The following DNAJC13 variants were observed in gnomAD, a reference collection of about 807,000 sequenced individuals.
DNAJC13 encodes the protein dnaJ homolog subfamily C member 13.
In DNAJC13, 75 loss-of-function variants were observed where a neutral mutation model predicts 290.5. That is an observed-to-expected ratio of 0.26 (90% CI 0.21 to 0.31). The LOEUF (loss-of-function observed/expected upper bound fraction) is 0.31. Ranked by LOEUF, DNAJC13 falls within the 10% of genes least tolerant of loss-of-function variation. DNAJC13 has a pLI of 1.00. For synonymous variants in DNAJC13, 862 were observed against 892.0 expected (o/e 0.97, Z 0.60); for missense variants, 2,260 against 2,674.5 (o/e 0.85, Z 3.42).
chr3:132,424,383 T>C (rs138509705), intron 1 of DNAJC13, among the ~76,000 whole-genome samples: 36 of 152,278 alleles, frequency 2.4e-4, no homozygotes, highest in Admixed American at 4.6e-4. Flanking sequence ...ACTTGATTTA[T>C]ACTGTTGAAT....
chr3:132,473,634 T>G (rs749658605), intron 21 of DNAJC13, among the ~76,000 whole-genome samples: 1 of 152,008 alleles, frequency 6.6e-6, no homozygotes, highest in Non-Finnish European at 1.5e-5. Flanking sequence ...GGTAACCTCT[T>G]CCCTCTTTTT....
intron 41 of DNAJC13, among the ~76,000 whole-genome samples, chr3:132,504,264 CT>C (rs1300050224): frequency 6.7e-6 from 1 of 148,874 alleles, no homozygotes; most frequent in African/African-American, 2.5e-5. Flanking sequence ...GCTTGCCATG[CT>C]TTTCAGTTCC....
intron 31 of DNAJC13, among the ~76,000 whole-genome samples, chr3:132,489,674 G>A (rs1287142634): frequency 6.6e-6 from 1 of 151,842 alleles, no homozygotes; most frequent in Non-Finnish European, 1.5e-5. Context: ...GACCACTGTT[G>A]AGAAGACTAA....
rs376978708 is a variant in DNAJC13, at chr3:132,531,085, G to A, written c.6613G>A (p.Gly2205Arg). The change falls in exon 55 of 56, where the codon GGA (glycine) becomes AGA (arginine). Residue 2205 changes from glycine (G) to arginine (R), a missense_variant. Physicochemically the swap from Gly to Arg is moderately radical, Grantham distance 125. This residue lies in a region of DNAJC13 where 1,494 missense variants were observed against 1,693.7 expected (regional missense o/e 0.88). Transcript: ENST00000260818. ...DLFISESQTA[G>R]YLTGPGVAGY... ...GTTCATTTCTGAGTCACAAACAGCA[G>A]GATACCTCACAGGTAAGCCATACCT... 1 of 1,613,904 alleles carries A rather than the reference G, an allele frequency of 6.2e-7. No homozygotes were observed. Among genetic ancestry groups the A allele is most frequent in the African/African-American group, 1.3e-5 (1 of 74,926 alleles).
At position 132,500,783 on chromosome 3, in the gene DNAJC13, G is replaced by A; in HGVS notation, c.4417-11G>A. ...TCTACTGGTTTTTTTGCTCTGTTGT[G>A]TTGTCTGCAGGTGTGTGGATACATA... On this transcript the variant is annotated splice_polypyrimidine_tract_variant and intron_variant, in intron 38 of 55. Transcript: ENST00000260818. 1.2e-6 allele frequency: 2 copies of A among 1,613,472 alleles called. No homozygotes were observed. The highest frequency in any genetic ancestry group is 1.7e-6 in the Non-Finnish European group (2 of 1,179,636).
chr3:132,450,941 G>A (rs183266962), intron 6 of DNAJC13, 94 bp downstream of exon 6: 14 of 700,050 alleles, frequency 2.0e-5, no homozygotes, highest in Admixed American at 9.3e-5. Context: ...GAAATTTCAC[G>A]TGAGTCCTCT....
At chr3:132,440,313 G>C (rs949052245) in intron 2 of DNAJC13, among the ~76,000 whole-genome samples, 1 of 152,232 alleles carries the variant, frequency 6.6e-6, no homozygotes, top group Admixed American at 6.5e-5. Context: ...AATTTGTTCA[G>C]TTATTCTACT....
chr3:132,500,881 A>C lies in DNAJC13; in HGVS notation c.4504A>C (p.Lys1502Gln). Reference sequence around the variant, plus strand: ...GATCACGGAAATGCCTAGCATCATCAAGGATCTCTGTCGGGTACTATATTT... The same window carrying C: ...GATCACGGAAATGCCTAGCATCATCCAGGATCTCTGTCGGGTACTATATTT... The part of the protein sequence containing the change: ...EKITEMPSII[K>Q]DLCRVLYFGK... The change falls in exon 39 of 56, where the codon AAG becomes CAG. Residue 1502 changes from lysine to glutamine, a missense_variant. Physicochemically the swap from Lys to Gln is moderately conservative, Grantham distance 53. Around this residue, in one of 3 missense-constraint regions of DNAJC13, gnomAD observed 1,494 missense variants for 1,693.7 expected, o/e 0.88. Coordinates refer to ENST00000260818, the MANE Select transcript of DNAJC13 (RefSeq NM_015268.4). 6.2e-7 allele frequency: 1 copy of C among 1,614,070 alleles called. No individual in the cohort carries two copies. Among genetic ancestry groups the C allele is most frequent in the South Asian group, 1.1e-5 (1 of 91,090 alleles).
At chr3:132,429,790 T>C (rs1407966845) in intron 1 of DNAJC13, among the ~76,000 whole-genome samples, 1 of 152,192 alleles carries the variant, frequency 6.6e-6, no homozygotes, top group Non-Finnish European at 1.5e-5. Context: ...CTCTCAGATA[T>C]ACCCTTACAT....
chr3:132,421,520 C>A (rs1250093871), intron 1 of DNAJC13, among the ~76,000 whole-genome samples: 1 of 151,880 alleles, frequency 6.6e-6, no homozygotes, highest in Non-Finnish European at 1.5e-5. Context: ...TGCAGTGGCA[C>A]GATCTTGGCT....
intron 1 of DNAJC13, among the ~76,000 whole-genome samples, chr3:132,427,119 G>GTATATATA (rs770455260): frequency 5.8e-5 from 7 of 120,916 alleles, no homozygotes; most frequent in African/African-American, 2.6e-4. Context: ...GTGTGTGTGT[G>GTATATATA]TATATATATA....
At chr3:132,502,542 G>A in intron 40 of DNAJC13, 74 bp downstream of exon 40, 2 of 1,334,282 alleles carry the variant, frequency 1.5e-6, no homozygotes, top group South Asian at 1.8e-5. Context: ...CCAAACCAAA[G>A]CTGCTATCCA....
At chr3:132,530,447 T>A (rs1936385179) in intron 54 of DNAJC13, among the ~76,000 whole-genome samples, 1 of 152,264 alleles carries the variant, frequency 6.6e-6, no homozygotes, top group Non-Finnish European at 1.5e-5. Flanking sequence ...TATACTCATA[T>A]ATGTGTATGT....
intron 43 of DNAJC13, among the ~76,000 whole-genome samples, 198 bp from the exon 44 acceptor site, chr3:132,510,868 TA>T (rs1228508130): frequency 3.3e-5 from 5 of 152,192 alleles, no homozygotes; most frequent in African/African-American, 1.2e-4. Context: ...AATGGGAGTA[TA>T]TCAGATCTCT....
chr3:132,510,436 T>G (rs1451736004), intron 43 of DNAJC13, among the ~76,000 whole-genome samples: 1 of 152,096 alleles, frequency 6.6e-6, no homozygotes, highest in African/African-American at 2.4e-5. Flanking sequence ...TTGCCCAGGC[T>G]GGTCTCAAAC....
intron 31 of DNAJC13, among the ~76,000 whole-genome samples, chr3:132,490,597 A>G (rs1026319891): frequency 6.6e-6 from 1 of 152,206 alleles, no homozygotes; most frequent in African/African-American, 2.4e-5. Context: ...CATTACTGTT[A>G]CACATGGTCA....
chr3:132,462,416 G>C (rs1158176608), intron 15 of DNAJC13, 51 bp from the exon 16 acceptor site: 3 of 1,532,068 alleles, frequency 2.0e-6, no homozygotes, highest in Non-Finnish European at 2.7e-6. Context: ...TAAATGTGTT[G>C]GAATAAAATT....
At chr3:132,529,177 G>T (rs570023481) in intron 54 of DNAJC13, among the ~76,000 whole-genome samples, 1 of 151,880 alleles carries the variant, frequency 6.6e-6, no homozygotes, top group African/African-American at 2.4e-5. Context: ...CCTCTTCTGC[G>T]TATTTCATAT....
intron 9 of DNAJC13, among the ~76,000 whole-genome samples, chr3:132,455,787 CTATAGAG>C (rs1933577478): frequency 6.6e-6 from 1 of 152,172 alleles, no homozygotes; most frequent in Admixed American, 6.5e-5. Flanking sequence ...AAAAGCAAAA[CTATAGAG>C]ATAGATCAGT....
Sources: allele counts gnomAD v4.1 joint callset (sites outside exome capture counted in the v4.1 genomes callset), GRCh38; gene constraint gnomAD v4.1.1; regional missense constraint gnomAD v4.1.1; transcripts MANE v1.5; gene names NCBI Gene and HGNC (gene_info 2026-07-23, HGNC 2026-07-21).